Variants in CTDSPL observed in about 807,000 individuals in gnomAD.
CTDSPL encodes the protein CTD small phosphatase like, also known as CTD small phosphatase-like protein.
CTDSPL carries 8 observed loss-of-function variants against 30.5 expected under a neutral mutation model. The observed-to-expected ratio is 0.26, with a 90% CI of 0.15 to 0.47. The LOEUF (loss-of-function observed/expected upper bound fraction) is 0.47. Ranked by LOEUF, CTDSPL falls within the 20% of genes least tolerant of loss-of-function variation. The pLI, the probability that CTDSPL is intolerant of heterozygous loss-of-function variation, is 0.99. For synonymous variants in CTDSPL, 110 were observed against 137.9 expected, an observed-to-expected ratio of 0.80 and a Z score of 1.42; for missense variants, 248 against 366.1, an observed-to-expected ratio of 0.68 and a Z score of 2.63.
intron 1 of CTDSPL, among the ~76,000 whole-genome samples, chr3:37,943,326 G>A (rs1698998085): frequency 6.7e-6 from 1 of 150,074 alleles, no homozygotes; most frequent in Non-Finnish European, 1.5e-5. Context: ...TGAAGAGCAG[G>A]ATGCTCTGAG....
chr3:37,980,399 A>T (rs1344194330), intron 7 of CTDSPL, among the ~76,000 whole-genome samples: 2 of 152,218 alleles, frequency 1.3e-5, no homozygotes, highest in Admixed American at 6.5e-5. Flanking sequence ...CAAGGAACCG[A>T]TCTTGTGCAG....
rs1420128768 is a variant in CTDSPL, at chr3:37,983,014, A to G, written c.*2147A>G. On this transcript the variant is annotated 3_prime_UTR_variant, in exon 8 of 8. Coordinates refer to ENST00000273179, the MANE Select transcript of CTDSPL (RefSeq NM_001008392.2). ...TTTCATGGGAATCGAACCTAGGGAT[A>G]GTGCTCCACTTCTGACGATGGAGTG... 4.9e-6 allele frequency: 1 copy of G among 203,724 alleles called. No homozygotes were observed. The highest frequency in any genetic ancestry group is 5.4e-5 in the Admixed American group (1 of 18,504). 12.6% of individuals were successfully genotyped at this position (203,724 alleles called of 1,614,324 possible).
intron 1 of CTDSPL, among the ~76,000 whole-genome samples, chr3:37,941,455 AC>A (rs1254993581): frequency 7.0e-6 from 1 of 142,148 alleles, no homozygotes; most frequent in African/African-American, 2.6e-5. Context: ...TCACCCTGTC[AC>A]CCAGGCTGGA....
intron 2 of CTDSPL, among the ~76,000 whole-genome samples, chr3:37,949,460 A>G (rs2125623657): frequency 6.6e-6 from 1 of 152,374 alleles, no homozygotes; most frequent in East Asian, 1.9e-4. Flanking sequence ...ATATGCAATC[A>G]AATAGCATAC....
chr3:37,920,122 T>TCAGGG (rs1056966153), intron 1 of CTDSPL, among the ~76,000 whole-genome samples: 26 of 152,242 alleles, frequency 1.7e-4, no homozygotes, highest in South Asian at 6.2e-4. Flanking sequence ...CAAGATATTG[T>TCAGGG]CAGGACTGGT....
intron 1 of CTDSPL, chr3:37,911,813 C>A (rs1021908697): frequency 1.4e-5 from 6 of 433,214 alleles, no homozygotes; most frequent in African/African-American, 4.0e-5. Flanking sequence ...AATCCCAGCA[C>A]TTTGGGAGGC....
chr3:37,885,235 TTA>T (rs970862749), intron 1 of CTDSPL, among the ~76,000 whole-genome samples: 7 of 152,174 alleles, frequency 4.6e-5, no homozygotes, highest in African/African-American at 1.7e-4. Context: ...GGATAGGAGT[TTA>T]TGGCCAAAGT....
At position 37,881,791 on chromosome 3, in the gene CTDSPL, C is replaced by T. The variant is rs139719868; in HGVS notation, c.79+19513C>T. Among the ~76,000 whole-genome samples, 91 of 151,920 alleles carry T rather than the reference C, an allele frequency of 6.0e-4. 1 individual carries two copies. Among genetic ancestry groups the T allele is most frequent in the Admixed American group, 1.7e-3 (26 of 15,276 alleles). ...AAAACTGAAAAAAAAAATGTTTACG[C>T]ATGGTGAATAACAAATTTATAATAG... On this transcript the variant is annotated intron_variant, in intron 1 of 7. Coordinates refer to ENST00000273179, the MANE Select transcript of CTDSPL (RefSeq NM_001008392.2).
At chr3:37,949,409 T>C (rs947726577) in intron 2 of CTDSPL, among the ~76,000 whole-genome samples, 2 of 152,208 alleles carry the variant, frequency 1.3e-5, no homozygotes, top group Non-Finnish European at 2.9e-5. Flanking sequence ...AGCAACCCGA[T>C]GTTCAACAAC....
At chr3:37,863,364 C>T (rs1697968201) in intron 1 of CTDSPL, among the ~76,000 whole-genome samples, 1 of 152,322 alleles carries the variant, frequency 6.6e-6, no homozygotes, top group Non-Finnish European at 1.5e-5. Flanking sequence ...TGTCCTTTCT[C>T]TTGGTGTCTG....
At chr3:37,887,315 G>A (rs1388729918) in intron 1 of CTDSPL, among the ~76,000 whole-genome samples, 1 of 152,148 alleles carries the variant, frequency 6.6e-6, no homozygotes, top group Non-Finnish European at 1.5e-5. Context: ...TGCACCACAG[G>A]TTAACCAAAC....
chr3:37,960,471 ACT>A (rs1380891143), intron 3 of CTDSPL, among the ~76,000 whole-genome samples: 1 of 71,694 alleles, frequency 1.4e-5, no homozygotes, highest in Non-Finnish European at 2.6e-5. Context: ...CAAGAGCAAA[ACT>A]CTGTCTCAAA....
At chr3:37,889,588 A>G (rs1325101008) in intron 1 of CTDSPL, among the ~76,000 whole-genome samples, 2 of 152,242 alleles carry the variant, frequency 1.3e-5, no homozygotes, top group Non-Finnish European at 2.9e-5. Context: ...GGAAATTATC[A>G]AAGAAATAAT....
chr3:37,966,258 ACAT>A (rs1699297640), intron 4 of CTDSPL, among the ~76,000 whole-genome samples: 1 of 152,218 alleles, frequency 6.6e-6, no homozygotes, highest in South Asian at 2.1e-4. Flanking sequence ...TGGCCTGCCT[ACAT>A]TTGCAACCAG....
At chr3:37,932,608 A>G (rs1348632412) in intron 1 of CTDSPL, among the ~76,000 whole-genome samples, 1 of 152,264 alleles carries the variant, frequency 6.6e-6, no homozygotes, top group Non-Finnish European at 1.5e-5. Context: ...ATGCAAATTA[A>G]AACAACACGG....
At chr3:37,954,807 A>G (rs1475360696) in intron 2 of CTDSPL, 4 of 152,296 alleles carry the variant, frequency 2.6e-5, no homozygotes, top group African/African-American at 9.7e-5. Flanking sequence ...CCCAATGGCA[A>G]AGACCATGGA....
chr3:37,867,159 A>G (rs1698019700), intron 1 of CTDSPL, among the ~76,000 whole-genome samples: 1 of 152,066 alleles, frequency 6.6e-6, no homozygotes, highest in Admixed American at 6.5e-5. Flanking sequence ...AATCCACTCT[A>G]CATTTCTAAA....
intron 1 of CTDSPL, among the ~76,000 whole-genome samples, chr3:37,927,707 A>ATATATATATATATAT (rs1559636073): frequency 2.2e-5 from 3 of 135,088 alleles, no homozygotes; most frequent in African/African-American, 6.1e-5. Context: ...TATATATATA[A>ATATATATATATATAT]AAAATGAAAT....
intron 1 of CTDSPL, among the ~76,000 whole-genome samples, chr3:37,937,844 G>C (rs1698933321): frequency 6.6e-6 from 1 of 150,402 alleles, no homozygotes; most frequent in South Asian, 2.1e-4. Context: ...GGACCTAGGA[G>C]TTTAGGAGTC....
Sources: gnomAD v4.1 joint callset for allele counts (sites outside exome capture counted in the v4.1 genomes callset) on GRCh38, gnomAD v4.1.1 for gene constraint, MANE v1.5 for transcripts, NCBI Gene and HGNC (gene_info 2026-07-23, HGNC 2026-07-21) for gene names.